GRM7: variants seen among roughly 807,000 people sequenced by gnomAD.
GRM7 encodes glutamate metabotropic receptor 7, also known as metabotropic glutamate receptor 7.
In GRM7, 35 loss-of-function variants were observed where a neutral mutation model predicts 84.5. The ratio of observed to expected loss-of-function variants is 0.41; its 90% CI spans 0.32 to 0.55. GRM7 has a LOEUF of 0.55. Ranked by LOEUF, GRM7 falls within the 20% of genes least tolerant of loss-of-function variation. The probability of loss-of-function intolerance (pLI) is 0.19; values close to 1 mark genes in which losing one functional copy is unlikely to be tolerated. For missense variants in GRM7, 1,003 were observed against 1,194.6 expected (o/e 0.84, Z 2.36); for synonymous variants, 487 against 455.1 (o/e 1.07, Z -0.89).
At chr3:6,895,962 T>C (rs149767534) in intron 1 of GRM7, among the ~76,000 whole-genome samples, 75 of 152,260 alleles carry the variant, frequency 4.9e-4, no homozygotes, top group African/African-American at 1.8e-3. Context: ...TAGTTCATCA[T>C]GTCAGCCCAG....
intron 4 of GRM7, among the ~76,000 whole-genome samples, chr3:7,408,258 G>T (rs1272430021): frequency 6.6e-6 from 1 of 152,102 alleles, no homozygotes; most frequent in African/African-American, 2.4e-5. Context: ...TTCCCAAGCA[G>T]TTTAAAGGGA....
chr3:7,481,827 C>A (rs1459605698), intron 7 of GRM7, among the ~76,000 whole-genome samples: 2 of 152,168 alleles, frequency 1.3e-5, no homozygotes, highest in Non-Finnish European at 2.9e-5. Flanking sequence ...AACTGTCCTG[C>A]TGTGCACTGC....
intron 4 of GRM7, among the ~76,000 whole-genome samples, chr3:7,352,298 G>A (rs1351084216): frequency 6.6e-6 from 1 of 152,050 alleles, no homozygotes; most frequent in East Asian, 1.9e-4. Context: ...CTACTTATAA[G>A]AAGCAAGGAG....
intron 2 of GRM7, among the ~76,000 whole-genome samples, chr3:7,191,174 C>A (rs1231993954): frequency 1.3e-5 from 2 of 152,084 alleles, no homozygotes; most frequent in East Asian, 3.9e-4. Flanking sequence ...AATATTCAAG[C>A]TGCAGTCAGT....
chr3:7,298,300 G>A (rs1364762884), intron 2 of GRM7, among the ~76,000 whole-genome samples: 1 of 152,088 alleles, frequency 6.6e-6, no homozygotes, highest in Non-Finnish European at 1.5e-5. Flanking sequence ...AGCTTTACCT[G>A]TTCAAGTTTC....
chr3:7,699,334 G>C (rs552937589), intron 9 of GRM7, among the ~76,000 whole-genome samples: 4 of 152,120 alleles, frequency 2.6e-5, no homozygotes. Flanking sequence ...ATATTTACTA[G>C]ACAGTTGGTG....
intron 1 of GRM7, among the ~76,000 whole-genome samples, chr3:7,089,492 A>G (rs1217218791): frequency 6.6e-6 from 1 of 152,136 alleles, no homozygotes; most frequent in Non-Finnish European, 1.5e-5. Flanking sequence ...GGAGAAGCAG[A>G]AGGATTGTAT....
chr3:7,191,674 A>G (rs1013740456), intron 2 of GRM7, among the ~76,000 whole-genome samples: 12 of 150,898 alleles, frequency 8.0e-5, no homozygotes, highest in Non-Finnish European at 1.8e-4. Flanking sequence ...ATCCATTTCT[A>G]TGACATTCTT....
intron 1 of GRM7, among the ~76,000 whole-genome samples, chr3:6,983,139 G>A (rs1242040303): frequency 2.0e-5 from 3 of 152,116 alleles, no homozygotes; most frequent in Admixed American, 2.0e-4. Flanking sequence ...TATTCAATAA[G>A]CAAAGTGAAG....
chr3:7,107,304 A>C (rs1238753069), intron 1 of GRM7, among the ~76,000 whole-genome samples: 1 of 152,148 alleles, frequency 6.6e-6, no homozygotes, highest in South Asian at 2.1e-4. Context: ...TAGGAGCCTA[A>C]TAAATGTTTG....
At chr3:7,016,796 G>GT (rs1559385915) in intron 1 of GRM7, among the ~76,000 whole-genome samples, 1 of 152,178 alleles carries the variant, frequency 6.6e-6, no homozygotes, top group Non-Finnish European at 1.5e-5. Flanking sequence ...CTATAGTATT[G>GT]TTTTAGAGAC....
chr3:7,727,816 T>G (rs896319627), intron 9 of GRM7, among the ~76,000 whole-genome samples: 2 of 152,148 alleles, frequency 1.3e-5, no homozygotes, highest in African/African-American at 4.8e-5. Flanking sequence ...CTCCTATCTA[T>G]CCTAGGTCCC....
chr3:7,126,377 G>A lies in GRM7; in HGVS notation c.520-20075G>A, dbSNP rs372709128. 2.0e-5 allele frequency among the ~76,000 whole-genome samples: 3 copies of A among 152,290 alleles called. No homozygotes were observed. In the South Asian group the frequency reaches 6.2e-4, roughly 32 times the overall value. Reference sequence around the variant, plus strand: ...ATGTGTGGCACTCAGGCATAGAGCAGTACATTGAAAATCCCCCCTAATGTG... The same window carrying A: ...ATGTGTGGCACTCAGGCATAGAGCAATACATTGAAAATCCCCCCTAATGTG... On this transcript the variant is annotated intron_variant, in intron 1 of 9. Transcript: ENST00000357716.
intron 2 of GRM7, among the ~76,000 whole-genome samples, chr3:7,211,977 C>T (rs1696446233): frequency 6.6e-6 from 1 of 151,584 alleles, no homozygotes; most frequent in Non-Finnish European, 1.5e-5. Context: ...TTAACTGATG[C>T]AGTTCCCTCA....
Position 7,740,580 on chromosome 3 carries a change from T to G in GRM7, c.*174T>G, listed in dbSNP as rs1272777094. The G allele has an allele frequency of 2.1e-6, 1 of 467,496 alleles. No individual in the cohort carries two copies. Among genetic ancestry groups the G allele is most frequent in the African/African-American group, 2.0e-5 (1 of 48,906 alleles). The allele number at this position is 467,496 out of a possible 1,614,324, so 29.0% of individuals were successfully genotyped here. On this transcript the variant is annotated 3_prime_UTR_variant, in exon 10 of 10. Coordinates refer to ENST00000357716, the MANE Select transcript of GRM7 (RefSeq NM_000844.4). ...TAAACAGCTGCTTTATGAAATATCCTTACTTTATCTGGGCTTAATAAGTCA... is the reference window on the plus strand; with the variant it reads ...TAAACAGCTGCTTTATGAAATATCCGTACTTTATCTGGGCTTAATAAGTCA...
intron 4 of GRM7, among the ~76,000 whole-genome samples, chr3:7,323,639 T>G (rs1700870768): frequency 6.6e-6 from 1 of 152,198 alleles, no homozygotes; most frequent in South Asian, 2.1e-4. Flanking sequence ...TATACTCTTT[T>G]CTTTGAGATA....
chr3:7,121,860 G>A (rs1693235881), intron 1 of GRM7, among the ~76,000 whole-genome samples: 1 of 152,182 alleles, frequency 6.6e-6, no homozygotes, highest in African/African-American at 2.4e-5. Flanking sequence ...CTCAAAAGAG[G>A]TGATTAGGCC....
intron 2 of GRM7, among the ~76,000 whole-genome samples, chr3:7,198,831 C>G (rs1029551819): frequency 6.6e-5 from 10 of 152,130 alleles, no homozygotes; most frequent in Non-Finnish European, 1.5e-4. Flanking sequence ...TTGGGGACTG[C>G]CTGTACATTT....
At position 7,031,377 on chromosome 3, in the gene GRM7, C is replaced by T. The variant is rs530900451; in HGVS notation, c.520-115075C>T. Among the ~76,000 whole-genome samples the T allele has an allele frequency of 3.9e-3, 596 of 151,816 alleles. 3 individuals carry two copies. Among genetic ancestry groups the T allele is most frequent in the Non-Finnish European group, 5.6e-3 (381 of 67,950 alleles). On this transcript the variant is annotated intron_variant, in intron 1 of 9. Transcript: ENST00000357716. ...TCCTTGAATCCCATTAAAACCTGGA[C>T]TCCAAATACTTTTTTTAAATTTTTT... is the stretch of plus-strand genomic sequence containing the variant.
Sources: allele counts gnomAD v4.1 joint callset (sites outside exome capture counted in the v4.1 genomes callset), GRCh38; gene constraint gnomAD v4.1.1; transcripts MANE v1.5; gene names NCBI Gene and HGNC (gene_info 2026-07-23, HGNC 2026-07-21).